Variants in TENM2 observed in about 807,000 individuals in gnomAD.
TENM2 encodes teneurin-2.
In TENM2, 52 loss-of-function variants were observed where a neutral mutation model predicts 245.2. That is an observed-to-expected ratio of 0.21 (90% CI 0.17 to 0.27). TENM2 has a LOEUF of 0.27. Among genes scored for constraint, TENM2 ranks in the 10% least tolerant of loss-of-function variants. The pLI, the probability that TENM2 is intolerant of heterozygous loss-of-function variation, is 1.00. For synonymous variants in TENM2, 1,363 were observed against 1,438.9 expected, an observed-to-expected ratio of 0.95 and a Z score of 1.19; for missense variants, 3,046 against 3,666.8, an observed-to-expected ratio of 0.83 and a Z score of 4.37.
chr5:167,859,097 A>G, intron 2 of TENM2, among the ~76,000 whole-genome samples: 1 of 116,978 alleles, frequency 8.5e-6, no homozygotes. Context: ...ATCGTCTGAG[A>G]TGTGGGGAGC....
At chr5:168,248,392 G>C (rs1456019882) in intron 27 of TENM2, 21 bp downstream of exon 29, 1 of 1,598,624 alleles carries the variant, frequency 6.3e-7, no homozygotes, top group African/African-American at 1.3e-5. Flanking sequence ...TGCCACCAAA[G>C]GTGGGCAGTG....
intron 3 of TENM2, among the ~76,000 whole-genome samples, chr5:167,949,846 C>G (rs1779938626): frequency 6.6e-6 from 1 of 152,102 alleles, no homozygotes; most frequent in East Asian, 1.9e-4. Context: ...CTTCTGTCTC[C>G]TGCACCTCGT....
At chr5:167,416,977 A>AT (rs1160792317) in intron 2 of TENM2, among the ~76,000 whole-genome samples, 73 of 151,878 alleles carry the variant, frequency 4.8e-4, no homozygotes, top group Non-Finnish European at 1.8e-4. Context: ...TTCTCTTGTC[A>AT]TTGTTTTATC....
intron 17 of TENM2, among the ~76,000 whole-genome samples, chr5:168,200,476 A>G (rs1048619235): frequency 1.3e-5 from 2 of 152,224 alleles, no homozygotes; most frequent in Non-Finnish European, 2.9e-5. Flanking sequence ...AAGGAACCAC[A>G]TGAAAATCAG....
At chr5:167,145,257 C>T in the TENM2 span, among the ~76,000 whole-genome samples, 1 of 152,156 alleles carries the variant, frequency 6.6e-6, no homozygotes, top group African/African-American at 2.4e-5. Context: ...ACTCAATCAG[C>T]GCAGAGTATA....
intron 3 of TENM2, among the ~76,000 whole-genome samples, chr5:167,936,544 TGAAATGGCTCCTACC>T (rs1383938904): frequency 6.6e-6 from 1 of 152,226 alleles, no homozygotes; most frequent in Non-Finnish European, 1.5e-5. Flanking sequence ...TGTCTCTGCC[TGAAATGGCTCCTACC>T]GTTAAGCAAG....
chr5:167,213,469 G>T, the TENM2 span, among the ~76,000 whole-genome samples: 1 of 152,110 alleles, frequency 6.6e-6, no homozygotes, highest in Non-Finnish European at 1.5e-5. Context: ...CTGTCCTCAT[G>T]ACCCAGTCAC....
the TENM2 span, among the ~76,000 whole-genome samples, chr5:166,999,012 C>T: frequency 1.3e-5 from 2 of 150,222 alleles, no homozygotes; most frequent in East Asian, 1.9e-4. Context: ...TATTATGTTA[C>T]ATTATATTTA....
intron 4 of TENM2, among the ~76,000 whole-genome samples, chr5:167,978,057 GAT>G (rs1381907638): frequency 6.6e-6 from 1 of 152,144 alleles, no homozygotes; most frequent in African/African-American, 2.4e-5. Flanking sequence ...CTTGCCATGT[GAT>G]GCCAGCTCCC....
At chr5:167,744,964 T>A (rs1413427707) in intron 2 of TENM2, among the ~76,000 whole-genome samples, 1 of 152,190 alleles carries the variant, frequency 6.6e-6, no homozygotes, top group Admixed American at 6.5e-5. Context: ...GTCTTCCAGG[T>A]ATCTTTTTGT....
intron 4 of TENM2, among the ~76,000 whole-genome samples, chr5:167,971,157 G>C (rs2151922332): frequency 6.6e-6 from 1 of 152,074 alleles, no homozygotes; most frequent in East Asian, 1.9e-4. Context: ...AATTCAGGCA[G>C]AAAGGGAGAG....
chr5:167,076,567 T>C, the TENM2 span, among the ~76,000 whole-genome samples: 1 of 152,340 alleles, frequency 6.6e-6, no homozygotes, highest in East Asian at 1.9e-4. Flanking sequence ...ATCAGTAGAA[T>C]ACAAGCTGAC....
At chr5:167,061,064 G>C in the TENM2 span, among the ~76,000 whole-genome samples, 3 of 148,940 alleles carry the variant, frequency 2.0e-5, no homozygotes, top group Non-Finnish European at 3.0e-5. Flanking sequence ...TACTTCTAGG[G>C]GTGGTGCGTG....
the TENM2 span, among the ~76,000 whole-genome samples, chr5:167,135,853 AC>A: frequency 3.9e-5 from 6 of 152,314 alleles, no homozygotes; most frequent in East Asian, 1.2e-3. Context: ...TTCTTGCAGA[AC>A]CATATAGTGA....
the TENM2 span, among the ~76,000 whole-genome samples, chr5:167,155,888 C>T: frequency 6.6e-6 from 1 of 152,208 alleles, no homozygotes; most frequent in South Asian, 2.1e-4. Flanking sequence ...CGCTGGGCTT[C>T]TCAGGCGCGC....
chr5:168,158,850 TACACACACACAC>T (rs764713880), intron 12 of TENM2, among the ~76,000 whole-genome samples: 1 of 62,332 alleles, frequency 1.6e-5, no homozygotes, highest in Non-Finnish European at 3.1e-5. Flanking sequence ...TATATATATA[TACACACACACAC>T]ACACACATAT....
the TENM2 span, among the ~76,000 whole-genome samples, chr5:167,066,905 A>T: frequency 6.6e-6 from 1 of 152,268 alleles, no homozygotes; most frequent in Admixed American, 6.5e-5. Flanking sequence ...TCCTCATATG[A>T]TTTAGTACTC....
chr5:167,099,471 G>A, the TENM2 span, among the ~76,000 whole-genome samples: 11 of 152,082 alleles, frequency 7.2e-5, no homozygotes, highest in African/African-American at 2.2e-4. Flanking sequence ...CGAGGCGGGC[G>A]GATCGCCTGA....
chr5:167,208,485 A>G, the TENM2 span, among the ~76,000 whole-genome samples: 1 of 152,242 alleles, frequency 6.6e-6, no homozygotes, highest in Non-Finnish European at 1.5e-5. Flanking sequence ...ATAAGTCAGC[A>G]TACAACAAAA....
Sources: allele counts gnomAD v4.1 joint callset (sites outside exome capture counted in the v4.1 genomes callset), GRCh38; gene constraint gnomAD v4.1.1; transcripts MANE v1.5; gene names NCBI Gene and HGNC (gene_info 2026-07-23, HGNC 2026-07-21).